The following RBFOX1 variants were observed in gnomAD, a reference collection of about 807,000 sequenced individuals.
RBFOX1 encodes RNA binding protein fox-1 homolog 1.
Under a neutral mutation model 57.7 loss-of-function variants are expected in RBFOX1, and 8 were observed. The ratio of observed to expected loss-of-function variants is 0.14; its 90% CI spans 0.08 to 0.25. The LOEUF (loss-of-function observed/expected upper bound fraction) is 0.25. Ranked by LOEUF, RBFOX1 falls within the 10% of genes least tolerant of loss-of-function variation. The pLI is 1.00. For synonymous variants in RBFOX1, 326 were observed against 222.4 expected, an observed-to-expected ratio of 1.47 and a Z score of -4.15; for missense variants, 611 against 548.5, an observed-to-expected ratio of 1.11 and a Z score of -1.14.
At chr16:7,048,320 C>G (rs1435917082) in intron 3 of RBFOX1, among the ~76,000 whole-genome samples, 1 of 151,928 alleles carries the variant, frequency 6.6e-6, no homozygotes, top group African/African-American at 2.4e-5. Flanking sequence ...AGTGCAGTGG[C>G]ACAATCTTGG....
chr16:7,052,494 G>C (rs1253889625), intron 4 of RBFOX1, among the ~76,000 whole-genome samples: 1 of 152,148 alleles, frequency 6.6e-6, no homozygotes, highest in East Asian at 1.9e-4. Flanking sequence ...CTGTTGACTG[G>C]GGTGGGTGAG....
intron 3 of RBFOX1, among the ~76,000 whole-genome samples, chr16:5,804,733 C>T (rs1405078352): frequency 9.9e-5 from 15 of 152,230 alleles, no homozygotes; most frequent in African/African-American, 3.6e-4. Flanking sequence ...AGGATTTTCT[C>T]TGCAGCAGTG....
intron 4 of RBFOX1, among the ~76,000 whole-genome samples, chr16:7,287,147 A>G (rs183236445): frequency 1.3e-5 from 2 of 152,334 alleles, no homozygotes; most frequent in East Asian, 3.9e-4. Context: ...ACAGTACTTA[A>G]TAGAGAGAGA....
intron 1 of RBFOX1, among the ~76,000 whole-genome samples, chr16:5,349,750 G>T (rs538204339): frequency 1.3e-4 from 20 of 152,226 alleles, no homozygotes; most frequent in Non-Finnish European, 2.4e-4. Context: ...GAATGATTTG[G>T]AAGCTGCTGC....
At chr16:7,257,592 C>A (rs1409742894) in intron 4 of RBFOX1, among the ~76,000 whole-genome samples, 1 of 152,172 alleles carries the variant, frequency 6.6e-6, no homozygotes, top group Non-Finnish European at 1.5e-5. Flanking sequence ...TGCTTATCCA[C>A]ACCTACCAAG....
rs575235024 is a variant in RBFOX1 at position 5,897,016 on chromosome 16, C to CTTTT, written c.351+29708_351+29711dup. Among the ~76,000 whole-genome samples, 24 of 56,462 alleles carry CTTTT rather than the reference C, an allele frequency of 4.3e-4. 2 individuals are homozygous for CTTTT. Among genetic ancestry groups the CTTTT allele is most frequent in the East Asian group, 1.3e-3 (2 of 1,506 alleles). 37.0% of individuals were successfully genotyped at this position (56,462 alleles called of 152,430 possible). Reference sequence around the variant, plus strand: ...CCCCCACTAAAAATGTATCCATCCGCTTTTTTTTTTTTTTTTTTTTTTTTT... The same window carrying CTTTT: ...CCCCCACTAAAAATGTATCCATCCGCTTTTTTTTTTTTTTTTTTTTTTTTTTTTT... On this transcript the variant is annotated intron_variant, in intron 4 of 19. Transcript: ENST00000641259.
chr16:6,949,921 C>G (rs1476705203), intron 3 of RBFOX1, among the ~76,000 whole-genome samples: 2 of 147,596 alleles, frequency 1.4e-5, no homozygotes, highest in Non-Finnish European at 3.0e-5. Context: ...GTAGGTAGCT[C>G]CTTCCCTGAG....
At chr16:7,070,314 A>G (rs1334153079) in intron 4 of RBFOX1, among the ~76,000 whole-genome samples, 1 of 152,148 alleles carries the variant, frequency 6.6e-6, no homozygotes, top group Admixed American at 6.5e-5. Flanking sequence ...TGCTTTTAAC[A>G]ATATAGATGC....
In RBFOX1 at chr16:5,319,627, A is replaced by G. The variant is rs564762482; in HGVS notation, c.219+79522A>G. On this transcript the variant is annotated intron_variant, in intron 1 of 2. Transcript: ENST00000585867. ...GATGGGTTCCCAGCCTGGTGGGGAA[A>G]GACTGACCGTTTCAGTGTCATATAT... 5.5e-4 allele frequency among the ~76,000 whole-genome samples: 84 copies of G among 152,328 alleles called. 2 individuals are homozygous for G. In the South Asian group the frequency reaches 0.017, roughly 31 times the overall value.
At chr16:6,732,807 G>C (rs548461790) in intron 3 of RBFOX1, among the ~76,000 whole-genome samples, 2 of 152,134 alleles carry the variant, frequency 1.3e-5, no homozygotes, top group Admixed American at 6.5e-5. Flanking sequence ...TAATGAGGTG[G>C]AGTTTTTTTG....
chr16:6,637,511 T>C (rs2098454808), intron 2 of RBFOX1, among the ~76,000 whole-genome samples: 1 of 99,620 alleles, frequency 1.0e-5, no homozygotes, highest in Admixed American at 1.5e-4. Flanking sequence ...ATATTCTATA[T>C]AGTATATATA....
At chr16:7,583,694 T>C (rs2093944137) in intron 6 of RBFOX1, among the ~76,000 whole-genome samples, 1 of 152,090 alleles carries the variant, frequency 6.6e-6, no homozygotes, top group African/African-American at 2.4e-5. Flanking sequence ...ACAGACCCTC[T>C]TGGCCAGGCA....
chr16:7,328,490 A>AAAT (rs1177670755), intron 4 of RBFOX1, among the ~76,000 whole-genome samples: 1 of 151,068 alleles, frequency 6.6e-6, no homozygotes, highest in Non-Finnish European at 1.5e-5. Context: ...AAAAAAAAAA[A>AAAT]AAAAAAAAAA....
At chr16:5,271,288 T>C (rs1366128647) in intron 1 of RBFOX1, among the ~76,000 whole-genome samples, 4 of 152,142 alleles carry the variant, frequency 2.6e-5, no homozygotes, top group Non-Finnish European at 5.9e-5. Context: ...CAGGAGTAAT[T>C]TGAGCCTGCA....
chr16:6,983,966 G>A (rs573100559), intron 3 of RBFOX1, among the ~76,000 whole-genome samples: 13 of 152,244 alleles, frequency 8.5e-5, no homozygotes, highest in African/African-American at 3.1e-4. Flanking sequence ...TCCTGGATCT[G>A]GCCTGGAGTG....
intron 1 of RBFOX1, among the ~76,000 whole-genome samples, chr16:6,051,515 G>C (rs2095551615): frequency 6.6e-6 from 1 of 152,052 alleles, no homozygotes; most frequent in Non-Finnish European, 1.5e-5. Context: ...TTTTAGTAGA[G>C]GCGGGGTTTC....
intron 2 of RBFOX1, among the ~76,000 whole-genome samples, chr16:6,556,180 G>A (rs1054623252): frequency 2.6e-5 from 4 of 152,130 alleles, no homozygotes; most frequent in African/African-American, 9.7e-5. Flanking sequence ...AACGTGGGCG[G>A]CATTGACTTC....
rs188259572 is a variant in RBFOX1, at chr16:7,665,197, C to T, written c.930+229C>T. Among the ~76,000 whole-genome samples, 25 of 152,188 alleles carry T rather than the reference C, an allele frequency of 1.6e-4. No individual in the cohort carries two copies. In the East Asian group the frequency reaches 2.1e-3, roughly 13 times the overall value. On this transcript the variant is annotated intron_variant, in intron 13 of 15. Transcript: ENST00000550418. ...ATTAACCCCTCGATCAACTTCAGAA[C>T]GAATGCAATTCCCCCAAAAAGGTGG...
chr16:5,740,371 C>T (rs1201867258), intron 3 of RBFOX1, among the ~76,000 whole-genome samples: 8 of 152,184 alleles, frequency 5.3e-5, no homozygotes, highest in African/African-American at 1.7e-4. Flanking sequence ...AGGGGCTGGC[C>T]ACAGTCCCAG....
Sources: gnomAD v4.1 joint callset for allele counts (sites outside exome capture counted in the v4.1 genomes callset) on GRCh38, gnomAD v4.1.1 for gene constraint, MANE v1.5 for transcripts, NCBI Gene and HGNC (gene_info 2026-07-23, HGNC 2026-07-21) for gene names.